The following OPA1 variants were observed in gnomAD, a reference collection of about 807,000 sequenced individuals.
OPA1 encodes the protein OPA1 mitochondrial dynamin like GTPase, also known as dynamin-like GTPase OPA1, mitochondrial.
A neutral mutation model predicts 152.9 loss-of-function variants in OPA1; 59 were observed. The ratio of observed to expected loss-of-function variants is 0.39; its 90% confidence interval spans 0.31 to 0.48. The LOEUF is 0.48. Among genes scored for constraint, OPA1 ranks in the 20% least tolerant of loss-of-function variants. The pLI, the probability that OPA1 is intolerant of heterozygous loss-of-function variation, is 0.96. For synonymous variants in OPA1, 400 were observed against 389.9 expected (o/e 1.03, Z -0.31); for missense variants, 1,008 against 1,216.8 (o/e 0.83, Z 2.55).
chr3:193,595,204 G>A (rs1340667098), intron 1 of OPA1, among the ~76,000 whole-genome samples: 2 of 152,198 alleles, frequency 1.3e-5, no homozygotes, highest in Non-Finnish European at 2.9e-5. Flanking sequence ...TTTGCATGTT[G>A]TGAAAGAATA....
At chr3:193,688,196 A>G (rs1167341112) in intron 29 of OPA1, among the ~76,000 whole-genome samples, 1 of 152,068 alleles carries the variant, frequency 6.6e-6, no homozygotes, top group Admixed American at 6.6e-5. Flanking sequence ...TTCGTTTATC[A>G]TTGATTGACC....
chr3:193,617,678 A>C, intron 4 of OPA1, 106 bp from the exon 5 acceptor site: 1 of 831,342 alleles, frequency 1.2e-6, no homozygotes, highest in Non-Finnish European at 2.1e-6. Context: ...ATATTTGCCC[A>C]ATTATTGCCC....
Position 193,617,643 on chromosome 3 carries a change from A to G in OPA1, c.557-141A>G, listed in dbSNP as rs562765305. On this transcript the variant is annotated intron_variant, in intron 4 of 30. Coordinates refer to ENST00000361510, the MANE Select transcript of OPA1 (RefSeq NM_130837.3). The stretch of plus-strand genomic sequence containing the variant: ...TTAAGTATGATAGACCATAATGAGT[A>G]GCATTTATTAAGTTTAATCCTGGCA... The G allele has an allele frequency of 1.7e-4, 123 of 713,812 alleles. No individual in the cohort carries two copies. In the African/African-American group the frequency reaches 1.9e-3, roughly 11 times the overall value. 44.2% of individuals were successfully genotyped at this position (713,812 alleles called of 1,614,324 possible). A position where few individuals can be genotyped will look rare whatever the true frequency, so the allele number is the denominator to read the frequency against.
chr3:193,637,874 G>T, intron 10 of OPA1, 78 bp from the exon 11 acceptor site: 1 of 1,170,684 alleles, frequency 8.5e-7, no homozygotes, highest in South Asian at 1.3e-5. Context: ...AAAAAACTCA[G>T]AGCAGCATTA....
At chr3:193,666,094 A>G (rs1716469427) in intron 27 of OPA1, among the ~76,000 whole-genome samples, 2 of 152,250 alleles carry the variant, frequency 1.3e-5, no homozygotes, top group African/African-American at 4.8e-5. Flanking sequence ...GGTGTCAGAC[A>G]GATATAAGCC....
chr3:193,640,686 G>C (rs1733650854), intron 11 of OPA1, among the ~76,000 whole-genome samples: 1 of 152,200 alleles, frequency 6.6e-6, no homozygotes. Flanking sequence ...GAGGTGGACT[G>C]AAGTCCCTTT....
chr3:193,675,327 GAAAAA>G (rs988338349), intron 29 of OPA1, among the ~76,000 whole-genome samples: 13 of 63,394 alleles, frequency 2.1e-4, no homozygotes, highest in African/African-American at 6.1e-4. Context: ...TTTTTTTTAA[GAAAAA>G]AAAAAAAAAA....
chr3:193,617,254 C>G lies in OPA1; in HGVS notation c.525C>G (p.Ser175Arg). 6.2e-7 allele frequency: 1 copy of G among 1,612,282 alleles called. No individual in the cohort carries two copies. The highest frequency in any genetic ancestry group is 8.5e-7 in the Non-Finnish European group (1 of 1,178,606). ...CAGACTTTGACAAGATTGTTGAAAG[C>G]CTTAGCTTATTGAAGGACTTTTTTA... ...LAPDFDKIVESLSLLKDFFTS... is the reference protein window; with the variant it reads ...LAPDFDKIVERLSLLKDFFTS... The change falls in exon 4 of 31, where the codon AGC becomes AGG. Residue 175 changes from serine to arginine, a missense_variant. By Grantham distance (110) the Ser-to-Arg change is moderately radical. Coordinates refer to ENST00000361510, the MANE Select transcript of OPA1 (RefSeq NM_130837.3).
intron 29 of OPA1, among the ~76,000 whole-genome samples, chr3:193,688,211 G>A (rs1446977195): frequency 3.3e-5 from 5 of 152,008 alleles, no homozygotes; most frequent in East Asian, 1.9e-4. Flanking sequence ...TTGACCGTAC[G>A]CAGTGATCAG....
At chr3:193,674,547 C>CA (rs1483666913) in intron 29 of OPA1, among the ~76,000 whole-genome samples, 8 of 152,036 alleles carry the variant, frequency 5.3e-5, no homozygotes, top group African/African-American at 1.7e-4. Context: ...TCACTGAATC[C>CA]AAAATATAGT....
intron 1 of OPA1, 152 bp downstream of exon 1, chr3:193,593,561 C>A: frequency 1.2e-6 from 1 of 857,158 alleles, no homozygotes; most frequent in Non-Finnish European, 1.7e-6. Context: ...CCCAGAATGA[C>A]AGGAGCCCTG....
intron 29 of OPA1, among the ~76,000 whole-genome samples, chr3:193,684,648 G>A (rs1192378035): frequency 1.3e-5 from 2 of 151,542 alleles, no homozygotes; most frequent in African/African-American, 2.4e-5. Context: ...ATGGGTTTTC[G>A]CCATGTTGGC....
intron 29 of OPA1, chr3:193,668,601 G>A: frequency 6.5e-7 from 1 of 1,539,142 alleles, no homozygotes; most frequent in African/African-American, 1.4e-5. Flanking sequence ...CCCTGCCTGT[G>A]CTTCGCCAGC....
At chr3:193,620,588 A>G (rs963450044) in intron 6 of OPA1, among the ~76,000 whole-genome samples, 2 of 150,398 alleles carry the variant, frequency 1.3e-5, no homozygotes, top group Non-Finnish European at 3.0e-5. Context: ...TTCTCAATTT[A>G]TGGTGCTTAT....
rs149650697 is a variant in OPA1 at position 193,600,658 on chromosome 3, T to G, written c.32+7249T>G. ...GGAGTATGATAGTGATTAAGGATCA[T>G]AGTTCGCTGTAAAGTAGCTTGACTT... On this transcript the variant is annotated intron_variant, in intron 1 of 30. Coordinates refer to ENST00000361510, the MANE Select transcript of OPA1 (RefSeq NM_130837.3). Among the ~76,000 whole-genome samples, 42 of 152,344 alleles carry G rather than the reference T, an allele frequency of 2.8e-4. 1 individual carries two copies. In the East Asian group the frequency reaches 7.9e-3, roughly 29 times the overall value.
rs369844932 is a variant in OPA1, at chr3:193,697,286, GT to G, written c.*2688del. The G allele has an allele frequency of 2.5e-4, 38 of 152,318 alleles. No individual in the cohort carries two copies. The highest frequency in any genetic ancestry group is 8.9e-4 in the African/African-American group (37 of 41,568). The allele number at this position is 152,318 out of a possible 1,614,324, so 9.4% of individuals were successfully genotyped here. A position where few individuals can be genotyped will look rare whatever the true frequency, so the allele number is the denominator to read the frequency against. On this transcript the variant is annotated 3_prime_UTR_variant, in exon 31 of 31. Transcript: ENST00000361510. ...CTCTCAGTTCTCTAAGCTGGTCTAT[GT>G]TATAGCTCTAGCAGTATGGAAATGT...
rs878971168 is a variant in OPA1, at chr3:193,637,250, C to T, written c.1004C>T (p.Ala335Val). The change falls in exon 10 of 31, where the codon GCC becomes GTC. Residue 335 changes from alanine (A) to valine (V), a missense_variant. Ala to Val is a moderately conservative substitution (Grantham distance 64). Transcript: ENST00000361510. ...CTTGATGTTCTCTCTGATTATGATG[C>T]CAGTTATAATACGCAAGATCATCTG... The part of the protein sequence containing the change: ...EVLDVLSDYD[A>V]SYNTQDHLPR... 4 of 1,605,818 alleles carry T rather than the reference C, an allele frequency of 2.5e-6. No individual in the cohort carries two copies. Among genetic ancestry groups the T allele is most frequent in the Non-Finnish European group, 3.4e-6 (4 of 1,174,584 alleles).
At position 193,697,077 on chromosome 3, in the gene OPA1, A is replaced by C. The variant is rs1722310162; in HGVS notation, c.*2477A>C. The stretch of plus-strand genomic sequence containing the variant: ...TATAAAAATAAGTAGGGAACATGGC[A>C]GAGAGTGGTGCTTCCCAGCCTCACA... On this transcript the variant is annotated 3_prime_UTR_variant, in exon 31 of 31. Transcript: ENST00000361510. The C allele has an allele frequency of 6.6e-6, 1 of 152,238 alleles. No individual in the cohort carries two copies. The highest frequency in any genetic ancestry group is 2.4e-5 in the African/African-American group (1 of 41,464). The allele number at this position is 152,238 out of a possible 1,614,324, so 9.4% of individuals were successfully genotyped here.
chr3:193,636,649 G>A (rs1323539581), intron 9 of OPA1, among the ~76,000 whole-genome samples: 1 of 152,052 alleles, frequency 6.6e-6, no homozygotes, highest in Non-Finnish European at 1.5e-5. Context: ...AAACGATACA[G>A]GATATTTGCC....
Sources: allele counts gnomAD v4.1 joint callset (sites outside exome capture counted in the v4.1 genomes callset), GRCh38; gene constraint gnomAD v4.1.1; transcripts MANE v1.5; gene names NCBI Gene and HGNC (gene_info 2026-07-23, HGNC 2026-07-21).